The following ESYT2 variants were observed in gnomAD, a reference collection of about 807,000 sequenced individuals.
ESYT2 encodes the protein extended synaptotagmin 2, also known as extended synaptotagmin-2.
ESYT2 carries 54 observed loss-of-function variants against 107.2 expected under a neutral mutation model. The observed-to-expected ratio is 0.50, with a 90% CI of 0.40 to 0.63. ESYT2 has a LOEUF of 0.63. ESYT2 is among the 30% of genes least tolerant of loss of function. ESYT2 has a pLI of 0.00. For missense variants in ESYT2, 1,020 were observed against 1,094.5 expected, an observed-to-expected ratio of 0.93 and a Z score of 0.96; for synonymous variants, 491 against 434.1, an observed-to-expected ratio of 1.13 and a Z score of -1.63.
At chr7:158,815,869 T>C (rs1027644554) in intron 1 of ESYT2, among the ~76,000 whole-genome samples, 1 of 152,202 alleles carries the variant, frequency 6.6e-6, no homozygotes, top group African/African-American at 2.4e-5. Context: ...TACACCCTTG[T>C]AAAATAAATC....
intron 2 of ESYT2, 114 bp from the exon 3 acceptor site, chr7:158,798,190 G>T (rs145136841): frequency 2.7e-6 from 3 of 1,111,834 alleles, no homozygotes; most frequent in Admixed American, 2.7e-5. Context: ...AATAAAGGGC[G>T]GGAGGATCTT....
chr7:158,793,168 G>T (rs1246516233), intron 4 of ESYT2, among the ~76,000 whole-genome samples: 2 of 152,094 alleles, frequency 1.3e-5, no homozygotes, highest in African/African-American at 4.8e-5. Flanking sequence ...TCATGAAAGG[G>T]TATTGAATTT....
At chr7:158,783,009 A>G (rs1172231641) in intron 6 of ESYT2, among the ~76,000 whole-genome samples, 1 of 152,218 alleles carries the variant, frequency 6.6e-6, no homozygotes, top group African/African-American at 2.4e-5. Flanking sequence ...AAAAGCAACT[A>G]AAATCAGCGT....
intron 1 of ESYT2, among the ~76,000 whole-genome samples, chr7:158,811,135 G>A (rs1839983613): frequency 6.6e-6 from 1 of 151,676 alleles, no homozygotes; most frequent in Admixed American, 6.6e-5. Context: ...ACTCCAGCGT[G>A]GCAACAGAAT....
In ESYT2 at chr7:158,793,632, T is replaced by C. The variant is rs1297106294; in HGVS notation, c.584+18A>G. The C allele has an allele frequency of 5.7e-6, 9 of 1,569,632 alleles. No individual in the cohort carries two copies. The highest frequency in any genetic ancestry group is 7.0e-6 in the Non-Finnish European group (8 of 1,140,954). ...CACGCCATTAACCATAACACAAATA[T>C]AACAAATAAAAACTTACCTAATCTG... On this transcript the variant is annotated intron_variant, in intron 4 of 22. Transcript: ENST00000275418.
chr7:158,802,293 A>AT (rs113165168), intron 1 of ESYT2, among the ~76,000 whole-genome samples: 4,084 of 149,490 alleles, frequency 0.027, 70 homozygotes, highest in African/African-American at 0.043. Context: ...CGATATAAGC[A>AT]TTTTTTTTTT....
chr7:158,747,418 A>G (rs575821251), intron 16 of ESYT2, among the ~76,000 whole-genome samples: 5 of 152,142 alleles, frequency 3.3e-5, no homozygotes, highest in Admixed American at 6.5e-5. Context: ...AAATAACCAA[A>G]TAAAAAAGAC....
At chr7:158,741,963 C>G in intron 17 of ESYT2, 67 bp from the exon 18 acceptor site, 4 of 1,458,852 alleles carry the variant, frequency 2.7e-6, no homozygotes, top group African/African-American at 1.4e-5. Flanking sequence ...ACTGGAACAG[C>G]CTGGGATGTC....
At position 158,767,757 on chromosome 7, in the gene ESYT2, A is replaced by G. The variant is rs770427924; in HGVS notation, c.821T>C (p.Ile274Thr). The G allele has an allele frequency of 6.2e-7, 1 of 1,612,614 alleles. No individual in the cohort carries two copies. Among genetic ancestry groups the G allele is most frequent in the Middle Eastern group, 1.7e-4 (1 of 6,056 alleles). The change falls in exon 8 of 23, where the codon ATC becomes ACC. Residue 274 changes from isoleucine to threonine, a missense_variant. Ile to Thr is a moderately conservative substitution (Grantham distance 89, BLOSUM62 -1). Coordinates refer to ENST00000275418, the MANE Select transcript of ESYT2 (RefSeq NM_001367773.1). ...ATAGTTTGATATTATATCCAAAATG[A>G]TAGTATCTGATAAACCACTGTTAGT... is the stretch of plus-strand genomic sequence containing the variant. ...VPGLNGLSDT[I>T]ILDIISNYLV...
At position 158,798,044 on chromosome 7, in the gene ESYT2, T is replaced by G. The variant is rs771256439; in HGVS notation, c.405A>C (p.Gln135His). Residue 135 changes from glutamine (Q) to histidine (H), a missense_variant, in exon 3 of 23, where the codon CAA (glutamine) becomes CAC (histidine). Physicochemically the swap from Gln to His is conservative, Grantham distance 24 (BLOSUM62 0). Coordinates refer to ENST00000275418, the MANE Select transcript of ESYT2 (RefSeq NM_001367773.1). ...TVKHMWPFIC[Q>H]FIEKLFRETI... ...TTTCTCGAAACAACTTCTCTATAAA[T>G]TGGCAAATGAAAGGCCACATGTGTT... The G allele has an allele frequency of 2.5e-6, 4 of 1,614,050 alleles. No homozygotes were observed. The South Asian group carries it at 3.3e-5, about 13-fold the overall frequency.
At position 158,767,580 on chromosome 7, in the gene ESYT2, C is replaced by G. The variant is rs1399598033; in HGVS notation, c.924+74G>C. 3 of 1,557,916 alleles carry G rather than the reference C, an allele frequency of 1.9e-6. No individual in the cohort carries two copies. The African/African-American group carries it at 4.1e-5, about 21-fold the overall frequency. On this transcript the variant is annotated intron_variant, in intron 8 of 22. Coordinates refer to ENST00000275418, the MANE Select transcript of ESYT2 (RefSeq NM_001367773.1). ...TGGGGAGAGACAAAGAGTCACAGCA[C>G]CCAATGCCACACCCGCAGGCAGGCA...
chr7:158,815,030 T>A (rs1840110842), intron 1 of ESYT2, among the ~76,000 whole-genome samples: 1 of 152,222 alleles, frequency 6.6e-6, no homozygotes, highest in Non-Finnish European at 1.5e-5. Flanking sequence ...AGAGCTTGTT[T>A]CCTTACCTGT....
At chr7:158,797,718 G>A (rs1839506498) in intron 3 of ESYT2, among the ~76,000 whole-genome samples, 1 of 152,016 alleles carries the variant, frequency 6.6e-6, no homozygotes, top group Admixed American at 6.5e-5. Flanking sequence ...GCCGGGCGTG[G>A]TGGAGGGCGC....
At chr7:158,734,517 A>G in intron 21 of ESYT2, 46 bp from the exon 22 acceptor site, 1 of 1,562,940 alleles carries the variant, frequency 6.4e-7, no homozygotes, top group African/African-American at 1.4e-5. Flanking sequence ...GGCTGGGGGC[A>G]CTGGCTCCCG....
At chr7:158,803,747 G>A (rs1839714433) in intron 1 of ESYT2, among the ~76,000 whole-genome samples, 2 of 151,824 alleles carry the variant, frequency 1.3e-5, no homozygotes. Flanking sequence ...TGCTGAGAAA[G>A]GTGAGGCGCG....
intron 6 of ESYT2, among the ~76,000 whole-genome samples, chr7:158,784,366 C>G (rs1839035538): frequency 6.6e-6 from 1 of 152,214 alleles, no homozygotes; most frequent in African/African-American, 2.4e-5. Context: ...ACACTGCAAC[C>G]CTCCTACCCC....
intron 7 of ESYT2, among the ~76,000 whole-genome samples, chr7:158,768,129 A>C (rs1420669545): frequency 6.6e-6 from 1 of 152,228 alleles, no homozygotes; most frequent in African/African-American, 2.4e-5. Flanking sequence ...ACTTCATCAC[A>C]GATTTTATAC....
chr7:158,764,589 C>T, intron 9 of ESYT2, 88 bp downstream of exon 9: 2 of 1,345,130 alleles, frequency 1.5e-6, no homozygotes, highest in African/African-American at 2.9e-5. Flanking sequence ...AGCCACACTC[C>T]CACGTGACTG....
At chr7:158,749,209 C>T (rs933199376) in intron 15 of ESYT2, among the ~76,000 whole-genome samples, 1 of 152,112 alleles carries the variant, frequency 6.6e-6, no homozygotes, top group African/African-American at 2.4e-5. Flanking sequence ...CGGGTTCAAG[C>T]GATTCTCCTG....
Sources: allele counts gnomAD v4.1 joint callset (sites outside exome capture counted in the v4.1 genomes callset), GRCh38; gene constraint gnomAD v4.1.1; transcripts MANE v1.5; gene names NCBI Gene and HGNC (gene_info 2026-07-23, HGNC 2026-07-21).